Variants in DLG5 observed in about 807,000 individuals in gnomAD.
The protein encoded by DLG5 is disks large homolog 5.
DLG5 carries 48 observed loss-of-function variants against 189.8 expected under a neutral mutation model. The ratio of observed to expected loss-of-function variants is 0.25; its 90% CI spans 0.20 to 0.32. The LOEUF is 0.32. Ranked by LOEUF, DLG5 falls within the 10% of genes least tolerant of loss-of-function variation. The pLI, the probability that DLG5 is intolerant of heterozygous loss-of-function variation, is 1.00. For missense variants in DLG5, 2,160 were observed against 2,544.7 expected (o/e 0.85, Z 3.25); for synonymous variants, 1,016 against 1,054.1 (o/e 0.96, Z 0.70).
chr10:77,867,993 G>A (rs573439136), intron 2 of DLG5: 1 of 456,728 alleles, frequency 2.2e-6, no homozygotes, highest in Non-Finnish European at 4.4e-6. Context: ...TCAGTGTGAT[G>A]TCGGCAAACC....
upstream of DLG5, among the ~76,000 whole-genome samples, chr10:77,930,898 G>A (rs1315987860): frequency 1.5e-5 from 2 of 134,514 alleles, no homozygotes; most frequent in African/African-American, 5.6e-5. Flanking sequence ...TCAGCTCACC[G>A]CAACCTCCAC....
chr10:77,861,188 T>C (rs1431581515), intron 2 of DLG5, among the ~76,000 whole-genome samples: 3 of 152,188 alleles, frequency 2.0e-5, no homozygotes, highest in Non-Finnish European at 4.4e-5. Flanking sequence ...AAAAGACCAG[T>C]GACATCCTAG....
chr10:77,897,538 G>T (rs1845797797), intron 1 of DLG5, among the ~76,000 whole-genome samples: 3 of 151,710 alleles, frequency 2.0e-5, no homozygotes, highest in Admixed American at 2.0e-4. Flanking sequence ...AATAACACTT[G>T]AAGAAAAAAT....
At chr10:77,905,808 C>T (rs569612898) in intron 1 of DLG5, among the ~76,000 whole-genome samples, 1 of 152,216 alleles carries the variant, frequency 6.6e-6, no homozygotes, top group South Asian at 2.1e-4. Flanking sequence ...TTCCCATTTC[C>T]CTCCCCTCAC....
chr10:77,878,719 C>T (rs567934638), intron 1 of DLG5, among the ~76,000 whole-genome samples: 13 of 152,296 alleles, frequency 8.5e-5, no homozygotes, highest in African/African-American at 2.4e-4. Context: ...CACCATTCCA[C>T]GTGGCCATGG....
intron 5 of DLG5, 60 bp downstream of exon 5, chr10:77,853,293 TC>T: frequency 1.5e-6 from 2 of 1,377,180 alleles, no homozygotes; most frequent in Admixed American, 2.8e-5. Flanking sequence ...AATACTATTC[TC>T]CATTAAAAGG....
chr10:77,821,313 G>A lies in DLG5; in HGVS notation c.3171C>T (p.Pro1057=), dbSNP rs777001332. Residue 1057 remains proline, a synonymous_variant, in exon 15 of 32, where the codon CCC becomes CCT. Coordinates refer to ENST00000372391, the MANE Select transcript of DLG5 (RefSeq NM_004747.4). The part of the protein sequence containing the change: ...PPSALPPDVD[P]GEPMHASPPR... The stretch of plus-strand genomic sequence containing the variant: ...GGGGTGATGCGTGCATGGGCTCCCC[G>A]GGGTCCACGTCAGGGGGCAGGGCGC... 45 of 1,613,412 alleles carry A rather than the reference G, an allele frequency of 2.8e-5. No individual in the cohort carries two copies. Among genetic ancestry groups the A allele is most frequent in the Middle Eastern group, 3.3e-4 (2 of 6,062 alleles).
At chr10:77,808,094 G>C (rs1841570625) in intron 24 of DLG5, 150 bp from the exon 25 acceptor site, 1 of 927,012 alleles carries the variant, frequency 1.1e-6, no homozygotes, top group Admixed American at 2.6e-5. Flanking sequence ...GAAGGACTGA[G>C]TCTTCATGGT....
rs529036800 is a variant in DLG5, at chr10:77,809,772, G to A, written c.4464-42C>T. 3.2e-6 allele frequency: 5 copies of A among 1,579,920 alleles called. No homozygotes were observed. In the South Asian group the frequency reaches 5.9e-5, roughly 19 times the overall value. On this transcript the variant is annotated intron_variant, in intron 23 of 31. Coordinates refer to ENST00000372391, the MANE Select transcript of DLG5 (RefSeq NM_004747.4). ...AAAGTTCCTCAACTGTGCACAAAGA[G>A]GAGGCACAAAAAGACAAAGCAGTGG...
intron 2 of DLG5, among the ~76,000 whole-genome samples, chr10:77,857,177 C>T (rs577110519): frequency 3.9e-5 from 6 of 152,328 alleles, no homozygotes; most frequent in Admixed American, 1.3e-4. Context: ...CTGGCTTTCA[C>T]ACCTCCAGGA....
chr10:77,817,464 A>C (rs927199645), intron 18 of DLG5, among the ~76,000 whole-genome samples: 1 of 152,220 alleles, frequency 6.6e-6, no homozygotes, highest in Non-Finnish European at 1.5e-5. Context: ...AAATGTATGA[A>C]GAGCCATACA....
Position 77,926,185 on chromosome 10 carries a change from C to T in DLG5, c.304+32G>A, listed in dbSNP as rs1846685322. ...AGGAGGGAGAAGCGGAGGGCGCGTC[C>T]CAGAGGCGGGGGCCAAGGGTCTGCC... On this transcript the variant is annotated intron_variant, in intron 1 of 31. Coordinates refer to ENST00000372391, the MANE Select transcript of DLG5 (RefSeq NM_004747.4). The surrounding 1 kb of genome is among the most constrained non-coding windows in gnomAD (Gnocchi z 5.2). 2 of 1,369,906 alleles carry T rather than the reference C, an allele frequency of 1.5e-6. No homozygotes were observed. The highest frequency in any genetic ancestry group is 3.0e-5 in the East Asian group (1 of 32,862). The allele number at this position is 1,369,906 out of a possible 1,614,324, so 84.9% of individuals were successfully genotyped here.
At chr10:77,841,561 A>C (rs1440283636) in intron 7 of DLG5, among the ~76,000 whole-genome samples, 1 of 152,166 alleles carries the variant, frequency 6.6e-6, no homozygotes, top group African/African-American at 2.4e-5. Flanking sequence ...AGTCCTTGAG[A>C]TATCACTGAC....
At chr10:77,874,739 G>T (rs1845031474) in intron 1 of DLG5, among the ~76,000 whole-genome samples, 1 of 152,180 alleles carries the variant, frequency 6.6e-6, no homozygotes, top group East Asian at 1.9e-4. Flanking sequence ...GGGATATTCT[G>T]CCTGTTTGTG....
At chr10:77,918,874 C>T (rs1375285544) in intron 1 of DLG5, among the ~76,000 whole-genome samples, 25 of 152,022 alleles carry the variant, frequency 1.6e-4, no homozygotes, top group Admixed American at 1.6e-3. Flanking sequence ...AGAGCCCCCT[C>T]GCATGGGGCA....
intron 2 of DLG5, among the ~76,000 whole-genome samples, chr10:77,865,338 G>A (rs548281746): frequency 1.8e-4 from 28 of 152,206 alleles, no homozygotes; most frequent in African/African-American, 6.7e-4. Flanking sequence ...GTCACAGGGC[G>A]TCAGTGGCAG....
intron 1 of DLG5, among the ~76,000 whole-genome samples, chr10:77,900,845 G>A (rs936936271): frequency 7.9e-5 from 12 of 152,244 alleles, no homozygotes; most frequent in African/African-American, 2.9e-4. Context: ...TGAGGCAGGA[G>A]GATTGCTTGA....
intron 31 of DLG5, chr10:77,793,803 G>A (rs2812426): frequency 0.29 from 169,536 of 589,222 alleles, 25,463 homozygotes; most frequent in Admixed American, 0.42. Context: ...GGCCAAGATC[G>A]GTGAGCTTAA....
Position 77,806,745 on chromosome 10 carries a change from G to A in DLG5, c.4967+13C>T, listed in dbSNP as rs200289771. Reference sequence around the variant, plus strand: ...CCCTGCCCCACCCCACCCCAGGCCCGGAGAACACTTACACATATTTGCTGG... The same window carrying A: ...CCCTGCCCCACCCCACCCCAGGCCCAGAGAACACTTACACATATTTGCTGG... On this transcript the variant is annotated intron_variant, in intron 26 of 31. Coordinates refer to ENST00000372391, the MANE Select transcript of DLG5 (RefSeq NM_004747.4). The A allele has an allele frequency of 4.3e-5, 26 of 604,530 alleles. No individual in the cohort carries two copies. The East Asian group carries it at 4.7e-4, about 11-fold the overall frequency. The allele number at this position is 604,530 out of a possible 1,614,324, so 37.4% of individuals were successfully genotyped here. A position where few individuals can be genotyped will look rare whatever the true frequency, so the allele number is the denominator to read the frequency against.
Sources: allele counts gnomAD v4.1 joint callset (sites outside exome capture counted in the v4.1 genomes callset), GRCh38; gene constraint gnomAD v4.1.1; non-coding constraint Gnocchi (gnomAD v3.1); transcripts MANE v1.5; gene names NCBI Gene and HGNC (gene_info 2026-07-23, HGNC 2026-07-21).